NRG3: variants seen among roughly 807,000 people sequenced by gnomAD.
NRG3 encodes the protein pro-neuregulin-3, membrane-bound isoform.
A neutral mutation model predicts 66.9 loss-of-function variants in NRG3; 31 were observed. The ratio of observed to expected loss-of-function variants is 0.46; its 90% CI spans 0.35 to 0.63. The LOEUF is 0.63. NRG3 is among the 20% of genes least tolerant of loss of function. NRG3 has a pLI of 0.00. For synonymous variants in NRG3, 393 were observed against 359.4 expected, an observed-to-expected ratio of 1.09 and a Z score of -1.06; for missense variants, 910 against 878.9, an observed-to-expected ratio of 1.04 and a Z score of -0.45.
chr10:82,968,197 G>T (rs1221430827), intron 6 of NRG3, among the ~76,000 whole-genome samples: 1 of 152,116 alleles, frequency 6.6e-6, no homozygotes, highest in Non-Finnish European at 1.5e-5. Context: ...CTGAATTCAT[G>T]TTCAACAAAA....
At chr10:82,680,973 G>T (rs1323862539) in intron 2 of NRG3, among the ~76,000 whole-genome samples, 1 of 152,212 alleles carries the variant, frequency 6.6e-6, no homozygotes, top group African/African-American at 2.4e-5. Flanking sequence ...CACAGGGCAG[G>T]TTTACTTCTT....
At chr10:82,742,220 T>A (rs1230844977) in intron 3 of NRG3, among the ~76,000 whole-genome samples, 1 of 152,144 alleles carries the variant, frequency 6.6e-6, no homozygotes, top group Non-Finnish European at 1.5e-5. Context: ...AATGCAAAGT[T>A]AGTCAGAAAT....
chr10:82,275,696 T>A (rs997780064), intron 1 of NRG3, among the ~76,000 whole-genome samples: 2 of 152,026 alleles, frequency 1.3e-5, no homozygotes, highest in Non-Finnish European at 2.9e-5. Context: ...TATATTTATT[T>A]ACAAAGCTCT....
chr10:82,638,619 T>C (rs2050354424), intron 2 of NRG3, among the ~76,000 whole-genome samples: 1 of 151,966 alleles, frequency 6.6e-6, no homozygotes, highest in Non-Finnish European at 1.5e-5. Flanking sequence ...GCATCCAAAA[T>C]CACACTCCAA....
intron 8 of NRG3, among the ~76,000 whole-genome samples, chr10:82,981,683 T>C (rs185847593): frequency 1.3e-5 from 2 of 152,290 alleles, no homozygotes; most frequent in East Asian, 1.9e-4. Context: ...ATCGATCTTA[T>C]TGTAGCCTGG....
intron 8 of NRG3, among the ~76,000 whole-genome samples, chr10:82,980,154 C>T (rs150404049): frequency 7.4e-4 from 113 of 151,800 alleles, no homozygotes; most frequent in African/African-American, 2.5e-3. Flanking sequence ...ATACTGAGTG[C>T]ACATGGTGCT....
At chr10:82,216,599 G>GAT (rs2075697792) in intron 1 of NRG3, among the ~76,000 whole-genome samples, 2 of 121,354 alleles carry the variant, frequency 1.6e-5, no homozygotes, top group East Asian at 6.1e-4. Flanking sequence ...TGTGTGTATA[G>GAT]ATATATATAG....
At chr10:81,910,026 C>T (rs891735765) in intron 1 of NRG3, among the ~76,000 whole-genome samples, 2 of 152,048 alleles carry the variant, frequency 1.3e-5, no homozygotes, top group Admixed American at 6.6e-5. Context: ...CTAAAAAAGC[C>T]CCTACTCAGA....
chr10:82,091,040 G>T (rs1342433736), intron 1 of NRG3, among the ~76,000 whole-genome samples: 1 of 152,036 alleles, frequency 6.6e-6, no homozygotes, highest in African/African-American at 2.4e-5. Context: ...CACACTTCCA[G>T]CAGTGTAACC....
chr10:82,310,805 TC>T (rs2080984220), intron 1 of NRG3, among the ~76,000 whole-genome samples: 1 of 152,120 alleles, frequency 6.6e-6, no homozygotes, highest in Non-Finnish European at 1.5e-5. Flanking sequence ...TCCCCTCTCT[TC>T]CCTCTCTCCT....
chr10:82,493,954 A>G (rs1843390313), intron 2 of NRG3, among the ~76,000 whole-genome samples: 1 of 152,218 alleles, frequency 6.6e-6, no homozygotes, highest in Non-Finnish European at 1.5e-5. Flanking sequence ...TTCTCAAAAG[A>G]AGACACTCAT....
At chr10:81,877,229 C>A (rs116753907) in intron 1 of NRG3, among the ~76,000 whole-genome samples, 1,700 of 152,250 alleles carry the variant, frequency 0.011, 27 homozygotes, top group African/African-American at 0.039. Context: ...CCTCCCACCC[C>A]AACCCCCACC....
At chr10:82,629,531 C>T (rs1294166832) in intron 2 of NRG3, among the ~76,000 whole-genome samples, 1 of 152,172 alleles carries the variant, frequency 6.6e-6, no homozygotes, top group Non-Finnish European at 1.5e-5. Flanking sequence ...GAAGAATATA[C>T]AGGAGAGACA....
At chr10:82,664,536 C>G (rs2133985938) in intron 2 of NRG3, among the ~76,000 whole-genome samples, 1 of 152,260 alleles carries the variant, frequency 6.6e-6, no homozygotes, top group Non-Finnish European at 1.5e-5. Flanking sequence ...GCCCACTAGG[C>G]ACAAGCTATT....
intron 2 of NRG3, among the ~76,000 whole-genome samples, chr10:82,686,840 A>G (rs1254251116): frequency 1.3e-5 from 2 of 152,154 alleles, no homozygotes; most frequent in Non-Finnish European, 2.9e-5. Flanking sequence ...AAATTGATCA[A>G]TGCATATAGG....
At chr10:82,657,079 A>G (rs1231540530) in intron 2 of NRG3, among the ~76,000 whole-genome samples, 2 of 152,194 alleles carry the variant, frequency 1.3e-5, no homozygotes, top group African/African-American at 2.4e-5. Context: ...CCTTCTTGGT[A>G]AAACTAACCA....
chr10:82,869,339 A>G (rs1841063441), intron 4 of NRG3, among the ~76,000 whole-genome samples: 1 of 152,164 alleles, frequency 6.6e-6, no homozygotes, highest in Non-Finnish European at 1.5e-5. Flanking sequence ...ATAGAGGTAC[A>G]TTTGTTACAA....
intron 1 of NRG3, among the ~76,000 whole-genome samples, chr10:81,889,871 C>T (rs1163523448): frequency 1.3e-5 from 2 of 152,148 alleles, no homozygotes; most frequent in Non-Finnish European, 2.9e-5. Flanking sequence ...ACAAAATGAG[C>T]ATCAAATCCA....
chr10:82,257,367 T>A (rs1213865096), intron 1 of NRG3, among the ~76,000 whole-genome samples: 4 of 152,184 alleles, frequency 2.6e-5, no homozygotes, highest in African/African-American at 9.7e-5. Flanking sequence ...ATAAAAGGCC[T>A]TCAATTCATG....
Sources: gnomAD v4.1 joint callset for allele counts (sites outside exome capture counted in the v4.1 genomes callset) on GRCh38, gnomAD v4.1.1 for gene constraint, MANE v1.5 for transcripts, NCBI Gene and HGNC (gene_info 2026-07-23, HGNC 2026-07-21) for gene names.